The following KCNIP4 variants were observed in gnomAD, a reference collection of about 807,000 sequenced individuals.
KCNIP4 encodes Kv channel-interacting protein 4.
KCNIP4 carries 12 observed loss-of-function variants against 34.0 expected under a neutral mutation model. The observed-to-expected ratio is 0.35, with a 90% CI of 0.23 to 0.57. The LOEUF (loss-of-function observed/expected upper bound fraction) is 0.57. Among genes scored for constraint, KCNIP4 ranks in the 20% least tolerant of loss-of-function variants. The pLI, the probability that KCNIP4 is intolerant of heterozygous loss-of-function variation, is 0.83. For missense variants in KCNIP4, 238 were observed against 311.7 expected, an observed-to-expected ratio of 0.76 and a Z score of 1.78; for synonymous variants, 124 against 102.2, an observed-to-expected ratio of 1.21 and a Z score of -1.29.
chr4:21,032,655 G>A (rs1025891022), intron 1 of KCNIP4, among the ~76,000 whole-genome samples: 2 of 152,208 alleles, frequency 1.3e-5, no homozygotes, highest in Admixed American at 6.5e-5. Flanking sequence ...CTGAGAATGC[G>A]TAAACATGGT....
At chr4:21,853,246 C>G (rs1309118719) in intron 1 of KCNIP4, 2 of 152,058 alleles carry the variant, frequency 1.3e-5, no homozygotes, top group Admixed American at 1.3e-4. Flanking sequence ...TAAGAAAAAA[C>G]AAAAATGATT....
intron 1 of KCNIP4, among the ~76,000 whole-genome samples, chr4:21,749,605 G>A (rs1717012583): frequency 1.3e-5 from 2 of 152,072 alleles, no homozygotes; most frequent in Admixed American, 6.6e-5. Flanking sequence ...AATCCTGGAT[G>A]AGTCATTGCA....
chr4:21,404,941 A>T (rs1723844556), intron 1 of KCNIP4, among the ~76,000 whole-genome samples: 1 of 152,140 alleles, frequency 6.6e-6, no homozygotes, highest in South Asian at 2.1e-4. Context: ...AGGCTTTTGA[A>T]TCTTCTCCTA....
chr4:21,914,007 T>C (rs909835242), intron 1 of KCNIP4, among the ~76,000 whole-genome samples: 7 of 152,014 alleles, frequency 4.6e-5, no homozygotes, highest in Admixed American at 4.6e-4. Context: ...AAAGTTTCAG[T>C]GTAGAGAGCC....
chr4:21,099,778 G>A (rs757318869), intron 1 of KCNIP4, among the ~76,000 whole-genome samples: 1 of 152,240 alleles, frequency 6.6e-6, no homozygotes, highest in African/African-American at 2.4e-5. Context: ...TAATTCATGG[G>A]AGAAGGTCAA....
At chr4:20,850,839 A>T in intron 2 of KCNIP4, 172 bp from the exon 3 acceptor site, 1 of 570,302 alleles carries the variant, frequency 1.8e-6, no homozygotes, top group African/African-American at 1.8e-5. Flanking sequence ...AAGCGTATTA[A>T]GCTAAAACAC....
intron 1 of KCNIP4, among the ~76,000 whole-genome samples, chr4:21,090,079 G>C (rs932586551): frequency 1.3e-4 from 20 of 152,098 alleles, no homozygotes; most frequent in Admixed American, 1.2e-3. Flanking sequence ...GATGTTCTGT[G>C]ATTCTGTCAC....
intron 1 of KCNIP4, among the ~76,000 whole-genome samples, chr4:21,202,416 T>G (rs1474501129): frequency 6.6e-6 from 1 of 152,134 alleles, no homozygotes; most frequent in East Asian, 1.9e-4. Flanking sequence ...CAATAGGCAC[T>G]GAGGAATACA....
chr4:21,265,138 C>T (rs568246001), intron 1 of KCNIP4, among the ~76,000 whole-genome samples: 6 of 151,628 alleles, frequency 4.0e-5, no homozygotes, highest in Admixed American at 1.3e-4. Flanking sequence ...ATAATAATAA[C>T]GTGAGTCCTA....
At chr4:21,019,735 AT>A (rs1172544053) in intron 1 of KCNIP4, among the ~76,000 whole-genome samples, 1 of 152,180 alleles carries the variant, frequency 6.6e-6, no homozygotes, top group Non-Finnish European at 1.5e-5. Flanking sequence ...ATTAAAAAAA[AT>A]CCTCCCAATT....
At chr4:20,949,312 A>C (rs1008638401) in intron 1 of KCNIP4, among the ~76,000 whole-genome samples, 1 of 152,240 alleles carries the variant, frequency 6.6e-6, no homozygotes, top group Non-Finnish European at 1.5e-5. Context: ...GTACCCCTAC[A>C]TATTACTCTA....
intron 1 of KCNIP4, among the ~76,000 whole-genome samples, chr4:21,500,971 C>G (rs1466893132): frequency 2.6e-5 from 4 of 151,510 alleles, no homozygotes; most frequent in Admixed American, 1.3e-4. Flanking sequence ...TAATACAGAT[C>G]AGTGTCAAAA....
rs539120997 is a variant in KCNIP4 at position 21,753,681 on chromosome 4, G to A, written c.61+194890C>T. 2.3e-3 allele frequency among the ~76,000 whole-genome samples: 352 copies of A among 152,108 alleles called. 2 individuals are homozygous for A. Among genetic ancestry groups the A allele is most frequent in the Non-Finnish European group, 3.4e-3 (233 of 68,018 alleles). ...GTACCCTCACTGGGTTAGTAGGGAA[G>A]CCCGGACTCGTCTTCGAATCTCAAG... On this transcript the variant is annotated intron_variant, in intron 1 of 8. Transcript: ENST00000382152.
At chr4:21,330,725 C>T (rs1359137599) in intron 1 of KCNIP4, among the ~76,000 whole-genome samples, 2 of 152,150 alleles carry the variant, frequency 1.3e-5, no homozygotes, top group East Asian at 1.9e-4. Context: ...ACATAAGAAG[C>T]AGTGCCATTG....
At chr4:21,019,036 T>C (rs1739807393) in intron 1 of KCNIP4, among the ~76,000 whole-genome samples, 1 of 152,192 alleles carries the variant, frequency 6.6e-6, no homozygotes, top group Non-Finnish European at 1.5e-5. Flanking sequence ...GTTTAATAAG[T>C]GTCCCCAGGG....
intron 1 of KCNIP4, among the ~76,000 whole-genome samples, chr4:20,924,922 T>C (rs1447128871): frequency 6.6e-6 from 1 of 152,194 alleles, no homozygotes; most frequent in Non-Finnish European, 1.5e-5. Context: ...GGGTTAGTAA[T>C]GCCTGCTTCC....
At chr4:20,993,400 C>T (rs1417641400) in intron 1 of KCNIP4, among the ~76,000 whole-genome samples, 2 of 152,160 alleles carry the variant, frequency 1.3e-5, no homozygotes, top group Admixed American at 6.6e-5. Flanking sequence ...TGAATGCAAA[C>T]TCTTGCTAGT....
At chr4:21,050,060 T>C (rs999897269) in intron 1 of KCNIP4, among the ~76,000 whole-genome samples, 4 of 152,226 alleles carry the variant, frequency 2.6e-5, no homozygotes, top group Non-Finnish European at 4.4e-5. Context: ...GCAAAACTTT[T>C]AAGGGCAGGC....
intron 1 of KCNIP4, among the ~76,000 whole-genome samples, chr4:21,048,905 T>C (rs1742665621): frequency 6.7e-6 from 1 of 149,264 alleles, no homozygotes. Flanking sequence ...GAGAGAGAGA[T>C]CTAAACAACC....
Sources: allele counts gnomAD v4.1 joint callset (sites outside exome capture counted in the v4.1 genomes callset), GRCh38; gene constraint gnomAD v4.1.1; transcripts MANE v1.5; gene names NCBI Gene and HGNC (gene_info 2026-07-23, HGNC 2026-07-21).